The following BMPR2 variants were observed in gnomAD, a reference collection of about 807,000 sequenced individuals.
BMPR2 encodes the protein bone morphogenetic protein receptor type-2.
A neutral mutation model predicts 100.8 loss-of-function variants in BMPR2; 29 were observed. The observed-to-expected ratio is 0.29, with a 90% CI of 0.21 to 0.39. The LOEUF (loss-of-function observed/expected upper bound fraction) is 0.39. Among genes scored for constraint, BMPR2 ranks in the 10% least tolerant of loss-of-function variants. BMPR2 has a pLI of 1.00. For missense variants in BMPR2, 1,011 were observed against 1,274.5 expected, an observed-to-expected ratio of 0.79 and a Z score of 3.15; for synonymous variants, 382 against 442.3, an observed-to-expected ratio of 0.86 and a Z score of 1.71.
chr2:202,377,131 G>C lies in BMPR2; in HGVS notation c.-344G>C. 1.7e-6 allele frequency: 1 copy of C among 587,172 alleles called. No homozygotes were observed. Among genetic ancestry groups the C allele is most frequent in the Non-Finnish European group, 3.0e-6 (1 of 330,634 alleles). 36.4% of individuals were successfully genotyped at this position (587,172 alleles called of 1,614,324 possible). A position where few individuals can be genotyped will look rare whatever the true frequency, so the allele number is the denominator to read the frequency against. On this transcript the variant is annotated 5_prime_UTR_variant, in exon 1 of 13. Transcript: ENST00000374580. The stretch of plus-strand genomic sequence containing the variant: ...CTGGATATGTTTTCTCCCAGACCTG[G>C]ATATTTTTTTGATATCGTGAAACTA...
At chr2:202,403,409 A>C (rs1690812573) in intron 1 of BMPR2, among the ~76,000 whole-genome samples, 1 of 152,044 alleles carries the variant, frequency 6.6e-6, no homozygotes, top group African/African-American at 2.4e-5. Flanking sequence ...CATGTTGGCC[A>C]GGATGGTCTT....
intron 3 of BMPR2, among the ~76,000 whole-genome samples, chr2:202,510,982 G>GT (rs370738313): frequency 0.12 from 15,694 of 131,946 alleles, 1,084 homozygotes; most frequent in South Asian, 0.27. Context: ...CCTGGCTTTA[G>GT]TTTTTTTTTT....
chr2:202,486,844 A>G (rs1398143495), intron 3 of BMPR2, among the ~76,000 whole-genome samples: 2 of 151,572 alleles, frequency 1.3e-5, no homozygotes, highest in African/African-American at 2.4e-5. Flanking sequence ...TAGGCAATAT[A>G]GTGAGACCCT....
chr2:202,557,012 A>G (rs150260040), intron 12 of BMPR2, among the ~76,000 whole-genome samples: 3,102 of 151,196 alleles, frequency 0.021, 102 homozygotes, highest in African/African-American at 0.07. Flanking sequence ...AAAAAAGTGA[A>G]ACTCCATCTC....
At chr2:202,411,255 C>G (rs1175539540) in intron 1 of BMPR2, among the ~76,000 whole-genome samples, 7 of 152,098 alleles carry the variant, frequency 4.6e-5, no homozygotes, top group Admixed American at 2.0e-4. Flanking sequence ...TGTCAGAAGA[C>G]AAAAATTTTG....
chr2:202,560,064 C>A lies in BMPR2; in HGVS notation c.*118C>A. 8.0e-7 allele frequency: 1 copy of A among 1,256,226 alleles called. No individual in the cohort carries two copies. The highest frequency in any genetic ancestry group is 1.1e-6 in the Non-Finnish European group (1 of 903,796). The allele number at this position is 1,256,226 out of a possible 1,614,324, so 77.8% of individuals were successfully genotyped here. A position where few individuals can be genotyped will look rare whatever the true frequency, so the allele number is the denominator to read the frequency against. On this transcript the variant is annotated 3_prime_UTR_variant, in exon 13 of 13. Coordinates refer to ENST00000374580, the MANE Select transcript of BMPR2 (RefSeq NM_001204.7). ...CTGTCAGCACCCCCTCCCACCCCTG[C>A]AACAAAGACTTGCTTTAAATAGATT...
chr2:202,404,493 G>A (rs773940805), intron 1 of BMPR2, among the ~76,000 whole-genome samples: 75 of 152,140 alleles, frequency 4.9e-4, no homozygotes, highest in Non-Finnish European at 9.0e-4. Flanking sequence ...ACTGAGCCTG[G>A]CCTAAAATTT....
chr2:202,438,014 C>T (rs1433538940), intron 1 of BMPR2, among the ~76,000 whole-genome samples: 2 of 150,030 alleles, frequency 1.3e-5, no homozygotes, highest in Non-Finnish European at 2.9e-5. Flanking sequence ...GTGGTTAAGG[C>T]GTAAGAGTTC....
At position 202,556,291 on chromosome 2, in the gene BMPR2, C is replaced by T. The variant is rs1085307398; in HGVS notation, c.2626C>T (p.Gln876Ter). Reference sequence around the variant, plus strand: ...TGAGCCTTTACTGAGACGAGAGCAACAAGCTGGCCATGATGAAGGTGTTCT... The same window carrying T: ...TGAGCCTTTACTGAGACGAGAGCAATAAGCTGGCCATGATGAAGGTGTTCT... ...EHEPLLRREQ[Q>*]AGHDEGVLDR... Residue 876 changes from glutamine to a stop codon, truncating the protein, a stop_gained, in exon 12 of 13, where the codon CAA (glutamine) becomes TAA (stop). Coordinates refer to ENST00000374580, the MANE Select transcript of BMPR2 (RefSeq NM_001204.7). LOFTEE classifies it high-confidence loss of function. The T allele has an allele frequency of 6.2e-7, 1 of 1,614,206 alleles. No homozygotes were observed. The highest frequency in any genetic ancestry group is 8.5e-7 in the Non-Finnish European group (1 of 1,180,040).
At chr2:202,541,534 A>G (rs1688272824) in intron 9 of BMPR2, among the ~76,000 whole-genome samples, 1 of 152,194 alleles carries the variant, frequency 6.6e-6, no homozygotes, top group Admixed American at 6.5e-5. Flanking sequence ...AATAGAACCA[A>G]TGATGTAATG....
chr2:202,555,726 G>A lies in BMPR2; in HGVS notation c.2061G>A (p.Glu687=), dbSNP rs781075452. 1.9e-6 allele frequency: 3 copies of A among 1,614,178 alleles called. 1 individual carries two copies. The highest frequency in any genetic ancestry group is 8.5e-7 in the Non-Finnish European group (1 of 1,180,036). ...LKESSDENLM[E]HSLKQFSGPD... ...AAAGCTCTGATGAGAATCTCATGGA[G>A]CACTCTCTTAAACAGTTCAGTGGCC... is the stretch of plus-strand genomic sequence containing the variant. The change falls in exon 12 of 13, where the codon GAG becomes GAA. Residue 687 remains glutamate (E), a synonymous_variant. Transcript: ENST00000374580.
At chr2:202,550,365 T>C (rs1574503984) in intron 10 of BMPR2, among the ~76,000 whole-genome samples, 1 of 123,590 alleles carries the variant, frequency 8.1e-6, no homozygotes, top group Non-Finnish European at 1.6e-5. Flanking sequence ...AGAGCGAGAC[T>C]CCTATCTCCA....
intron 3 of BMPR2, among the ~76,000 whole-genome samples, chr2:202,483,819 C>T (rs1223866560): frequency 6.6e-6 from 1 of 152,200 alleles, no homozygotes; most frequent in East Asian, 1.9e-4. Flanking sequence ...TGACCGGGTA[C>T]AGTGGCTCAT....
chr2:202,551,392 C>A (rs1459767681), intron 10 of BMPR2, among the ~76,000 whole-genome samples: 1 of 149,326 alleles, frequency 6.7e-6, no homozygotes, highest in Non-Finnish European at 1.5e-5. Context: ...GGCGTGGTGG[C>A]AGGCGCCTAT....
chr2:202,424,943 G>A lies in BMPR2; in HGVS notation c.77-39866G>A, dbSNP rs1305277389. Among the ~76,000 whole-genome samples the A allele has an allele frequency of 2.5e-3, 386 of 152,100 alleles. 1 individual carries two copies. Among genetic ancestry groups the A allele is most frequent in the African/African-American group, 9.0e-3 (372 of 41,512 alleles). On this transcript the variant is annotated intron_variant, in intron 1 of 12. Transcript: ENST00000374580. ...GACAACTTCAAGACAAATTTTAAGAGATTAATTGAGCAAACATTTTTTTTT... is the reference window on the plus strand; with the variant it reads ...GACAACTTCAAGACAAATTTTAAGAAATTAATTGAGCAAACATTTTTTTTT...
chr2:202,559,394 A>G lies in BMPR2; in HGVS notation c.2867-302A>G, dbSNP rs897959989. Among the ~76,000 whole-genome samples the G allele has an allele frequency of 2.8e-4, 43 of 152,310 alleles. 2 individuals carry two copies. The highest frequency in any genetic ancestry group is 9.8e-4 in the Admixed American group (15 of 15,294). Reference sequence around the variant, plus strand: ...ATTTTACCAAGTTAAGATCGCTACCAAAACCAGAAGATTTGAGAATACAGC... The same window carrying G: ...ATTTTACCAAGTTAAGATCGCTACCGAAACCAGAAGATTTGAGAATACAGC... On this transcript the variant is annotated intron_variant, in intron 12 of 12. Transcript: ENST00000374580.
At chr2:202,440,039 AAGATTAT>A (rs1691700961) in intron 1 of BMPR2, among the ~76,000 whole-genome samples, 2 of 150,572 alleles carry the variant, frequency 1.3e-5, no homozygotes, top group Admixed American at 1.3e-4. Context: ...GGTTGGGGGT[AAGATTAT>A]AGATTAACAG....
At chr2:202,534,215 G>A (rs1688081761) in intron 9 of BMPR2, among the ~76,000 whole-genome samples, 3 of 101,248 alleles carry the variant, frequency 3.0e-5, no homozygotes, top group African/African-American at 9.5e-5. Context: ...TGTATCGTGT[G>A]TGTGTGTATA....
intron 1 of BMPR2, among the ~76,000 whole-genome samples, chr2:202,414,862 C>T (rs1691091297): frequency 6.6e-6 from 1 of 152,082 alleles, no homozygotes; most frequent in Non-Finnish European, 1.5e-5. Flanking sequence ...GCCTCAGCCT[C>T]CTGAGTAGCT....
Sources: gnomAD v4.1 joint callset for allele counts (sites outside exome capture counted in the v4.1 genomes callset) on GRCh38, gnomAD v4.1.1 for gene constraint, MANE v1.5 for transcripts, NCBI Gene and HGNC (gene_info 2026-07-23, HGNC 2026-07-21) for gene names.